The following LYPD6 variants were observed in gnomAD, a reference collection of about 807,000 sequenced individuals.
LYPD6 encodes the protein ly6/PLAUR domain-containing protein 6.
In LYPD6, 15 loss-of-function variants were observed where a neutral mutation model predicts 22.7. The ratio of observed to expected loss-of-function variants is 0.66; its 90% CI spans 0.44 to 1.02. LYPD6 has a LOEUF of 1.02. Ranked by LOEUF, LYPD6 falls within the 50% of genes least tolerant of loss-of-function variation. The probability of loss-of-function intolerance (pLI) is 0.00; values close to 1 mark genes in which losing one functional copy is unlikely to be tolerated. For missense variants in LYPD6, 189 were observed against 208.4 expected (o/e 0.91, Z 0.57); for synonymous variants, 72 against 77.5 (o/e 0.93, Z 0.37).
intron 3 of LYPD6, among the ~76,000 whole-genome samples, chr2:149,457,607 T>G (rs1209416292): frequency 6.6e-6 from 1 of 152,202 alleles, no homozygotes; most frequent in African/African-American, 2.4e-5. Context: ...CATTGGCATC[T>G]AGTGAGAAGA....
chr2:149,445,106 A>T (rs1044638389), intron 2 of LYPD6, among the ~76,000 whole-genome samples: 3 of 152,224 alleles, frequency 2.0e-5, no homozygotes, highest in Admixed American at 2.0e-4. Flanking sequence ...TTCCTTGTAG[A>T]TCTCCTACAG....
the LYPD6 span, among the ~76,000 whole-genome samples, chr2:149,480,554 G>T: frequency 1.3e-5 from 2 of 152,008 alleles, no homozygotes; most frequent in Non-Finnish European, 2.9e-5. Context: ...GTGCTTTTCA[G>T]TTTGTCTTCC....
upstream of LYPD6, chr2:149,330,575 C>A (rs1233240113): frequency 6.6e-6 from 1 of 151,176 alleles, no homozygotes; most frequent in East Asian, 2.0e-4. Flanking sequence ...CCGCCTCTCC[C>A]CGCTGCGCTC....
chr2:149,441,718 T>C (rs1320037711), intron 2 of LYPD6, among the ~76,000 whole-genome samples: 1 of 152,204 alleles, frequency 6.6e-6, no homozygotes, highest in Non-Finnish European at 1.5e-5. Context: ...AATAAGAACT[T>C]TCAAAACAAG....
intron 1 of LYPD6, among the ~76,000 whole-genome samples, chr2:149,366,782 A>G (rs1450963842): frequency 2.0e-5 from 3 of 152,218 alleles, no homozygotes; most frequent in African/African-American, 4.8e-5. Context: ...ACACACATCT[A>G]GCAAATTTAG....
At chr2:149,475,538 G>T (rs1220772556), downstream of LYPD6, among the ~76,000 whole-genome samples, 1 of 152,124 alleles carries the variant, frequency 6.6e-6, no homozygotes, top group African/African-American at 2.4e-5. Context: ...CAGTTACTCT[G>T]TCTAGCTCTT....
At chr2:149,345,306 A>ATTT (rs3073147) in intron 1 of LYPD6, among the ~76,000 whole-genome samples, 8,381 of 127,264 alleles carry the variant, frequency 0.066, 1,017 homozygotes, top group African/African-American at 0.21. Context: ...CTTAATTTAA[A>ATTT]TTTTTTTTTT....
chr2:149,334,024 C>T (rs1680986639), intron 1 of LYPD6, among the ~76,000 whole-genome samples: 1 of 152,056 alleles, frequency 6.6e-6, no homozygotes, highest in East Asian at 1.9e-4. Flanking sequence ...TACGAATTAC[C>T]TTATAGAAAC....
intron 3 of LYPD6, among the ~76,000 whole-genome samples, chr2:149,462,447 A>C (rs1681106840): frequency 6.6e-6 from 1 of 151,944 alleles, no homozygotes. Flanking sequence ...GACCGTGTTC[A>C]TAGATTGAAA....
chr2:149,331,989 C>T (rs1318913116), intron 1 of LYPD6, among the ~76,000 whole-genome samples: 5 of 152,220 alleles, frequency 3.3e-5, no homozygotes, highest in Non-Finnish European at 7.3e-5. Flanking sequence ...TTTGGATCTG[C>T]ACCTTATTTC....
downstream of LYPD6, among the ~76,000 whole-genome samples, chr2:149,477,622 C>CAAAAAAAAAAAAAAAAAA (rs35507967): frequency 1.6e-5 from 1 of 62,912 alleles, no homozygotes; most frequent in Non-Finnish European, 2.7e-5. Context: ...AACTGTGTCT[C>CAAAAAAAAAAAAAAAAAA]AAAAAAAAAA....
At chr2:149,367,440 C>G (rs1378405273) in intron 1 of LYPD6, among the ~76,000 whole-genome samples, 2 of 152,114 alleles carry the variant, frequency 1.3e-5, no homozygotes, top group Non-Finnish European at 2.9e-5. Context: ...CATCCACCAT[C>G]TTTGCTATAT....
intron 1 of LYPD6, among the ~76,000 whole-genome samples, chr2:149,386,001 TC>T (rs11383088): frequency 7.9e-5 from 12 of 151,472 alleles, no homozygotes; most frequent in Admixed American, 6.6e-4. Context: ...AGATTCAGAA[TC>T]CCCCCCCAAG....
At chr2:149,381,798 C>T (rs1183825088) in intron 1 of LYPD6, among the ~76,000 whole-genome samples, 2 of 152,164 alleles carry the variant, frequency 1.3e-5, no homozygotes, top group Non-Finnish European at 1.5e-5. Context: ...GTTGGGTGTT[C>T]TAAAATCACA....
chr2:149,449,677 G>A (rs961800478), intron 3 of LYPD6, among the ~76,000 whole-genome samples: 2 of 152,122 alleles, frequency 1.3e-5, no homozygotes, highest in Non-Finnish European at 2.9e-5. Context: ...AATTTTGACC[G>A]AAAGGCCCAT....
intron 1 of LYPD6, among the ~76,000 whole-genome samples, chr2:149,360,951 A>G (rs1681560640): frequency 6.6e-6 from 1 of 152,166 alleles, no homozygotes; most frequent in African/African-American, 2.4e-5. Flanking sequence ...AGCACACATC[A>G]GTGCTCAATT....
At chr2:149,360,578 C>T (rs1270728817) in intron 1 of LYPD6, among the ~76,000 whole-genome samples, 1 of 151,730 alleles carries the variant, frequency 6.6e-6, no homozygotes, top group Non-Finnish European at 1.5e-5. Context: ...CTTCTATTTC[C>T]TATATTACTT....
chr2:149,464,471 G>C (rs1681159092), intron 3 of LYPD6: 1 of 166,064 alleles, frequency 6.0e-6, no homozygotes, highest in Non-Finnish European at 1.3e-5. Context: ...CCATCAAGGA[G>C]AACCGTGAGT....
chr2:149,402,233 CGTGTGTGTGTGT>C (rs146124855), intron 1 of LYPD6, among the ~76,000 whole-genome samples: 2 of 145,636 alleles, frequency 1.4e-5, no homozygotes, highest in Admixed American at 6.9e-5. Flanking sequence ...TGTGTGTTTG[CGTGTGTGTGTGT>C]GTGTGTGTGT....
Sources: allele counts gnomAD v4.1 joint callset (sites outside exome capture counted in the v4.1 genomes callset), GRCh38; gene constraint gnomAD v4.1.1; transcripts MANE v1.5; gene names NCBI Gene and HGNC (gene_info 2026-07-23, HGNC 2026-07-21).